SCML4: variants seen among roughly 807,000 people sequenced by gnomAD.
SCML4 encodes the protein Scm polycomb group protein like 4.
A neutral mutation model predicts 41.1 loss-of-function variants in SCML4; 34 were observed. The ratio of observed to expected loss-of-function variants is 0.83; its 90% CI spans 0.63 to 1.10. The LOEUF (loss-of-function observed/expected upper bound fraction) is 1.10, where lower values mean the gene tolerates loss of function less well. SCML4 is among the 50% of genes least tolerant of loss of function. The probability of loss-of-function intolerance (pLI) is 0.00; values close to 1 mark genes in which losing one functional copy is unlikely to be tolerated. For synonymous variants in SCML4, 214 were observed against 220.9 expected (o/e 0.97, Z 0.28); for missense variants, 522 against 534.1 (o/e 0.98, Z 0.22).
intron 2 of SCML4, among the ~76,000 whole-genome samples, chr6:107,755,281 T>C (rs1357795574): frequency 3.3e-5 from 5 of 152,188 alleles, no homozygotes; most frequent in African/African-American, 9.7e-5. Flanking sequence ...CTAAAACAAC[T>C]GCTAGAACTT....
At chr6:107,719,018 GGACAAACCTAT>G (rs1775103515) in intron 6 of SCML4, 1 of 152,156 alleles carries the variant, frequency 6.6e-6, no homozygotes, top group Non-Finnish European at 1.5e-5. Flanking sequence ...CTAACACTGG[GGACAAACCTAT>G]GAAATCAAGG....
chr6:107,801,822 A>G (rs947481700), intron 1 of SCML4, among the ~76,000 whole-genome samples: 3 of 151,428 alleles, frequency 2.0e-5, no homozygotes, highest in African/African-American at 7.3e-5. Context: ...TCTGTCACCC[A>G]CGCTGGATCT....
chr6:107,736,990 C>G (rs1777137774), intron 5 of SCML4, among the ~76,000 whole-genome samples: 1 of 152,276 alleles, frequency 6.6e-6, no homozygotes, highest in Admixed American at 6.5e-5. Flanking sequence ...AAACCAGCAA[C>G]TAAATTAGAT....
Position 107,746,761 on chromosome 6 carries a change from T to C in SCML4, c.415A>G (p.Ile139Val), listed in dbSNP as rs1427790832. The C allele has an allele frequency of 6.2e-7, 1 of 1,614,088 alleles. No individual in the cohort carries two copies. The highest frequency in any genetic ancestry group is 8.5e-7 in the Non-Finnish European group (1 of 1,180,026). The change falls in exon 4 of 8, where the codon ATC (isoleucine) becomes GTC (valine). Residue 139 changes from isoleucine to valine, a missense_variant. By Grantham distance (29) the Ile-to-Val change is conservative. Coordinates refer to ENST00000369020, the MANE Select transcript of SCML4 (RefSeq NM_198081.5). Reference protein sequence around the residue: ...AVLQQAVQACIDCAHQQKLVF... With the variant: ...AVLQQAVQACVDCAHQQKLVF... ...AGCTTCTGCTGGTGGGCGCAGTCGATGCAGGCTTGGACGGCCTGCTGCAGC... is the reference window on the plus strand; with the variant it reads ...AGCTTCTGCTGGTGGGCGCAGTCGACGCAGGCTTGGACGGCCTGCTGCAGC...
intron 1 of SCML4, among the ~76,000 whole-genome samples, chr6:107,807,886 C>T (rs185412326): frequency 2.1e-3 from 320 of 152,260 alleles, no homozygotes; most frequent in Non-Finnish European, 2.4e-3. Context: ...AGGTTGTTGC[C>T]ACTGCTTTTA....
At chr6:107,833,033 T>C in the SCML4 span, among the ~76,000 whole-genome samples, 1 of 152,182 alleles carries the variant, frequency 6.6e-6, no homozygotes, top group Non-Finnish European at 1.5e-5. Flanking sequence ...GAGGCCACTA[T>C]GCGGGGAGGA....
intron 6 of SCML4, among the ~76,000 whole-genome samples, chr6:107,708,486 T>C (rs2818254): frequency 0.76 from 114,919 of 151,822 alleles, 43,683 homozygotes; most frequent in Admixed American, 0.81. Context: ...GGCCTTCACA[T>C]TGAGAGGATA....
chr6:107,774,936 A>T (rs940252230), intron 1 of SCML4, among the ~76,000 whole-genome samples: 1 of 151,952 alleles, frequency 6.6e-6, no homozygotes, highest in Non-Finnish European at 1.5e-5. Flanking sequence ...GGCAGGTTGC[A>T]GTGAGCTAAG....
At chr6:107,760,693 C>T (rs992185569) in intron 2 of SCML4, among the ~76,000 whole-genome samples, 2 of 152,108 alleles carry the variant, frequency 1.3e-5, no homozygotes, top group African/African-American at 4.8e-5. Context: ...TGATGAATAA[C>T]AGTCCAAAAT....
chr6:107,725,832 A>C (rs60794090), intron 5 of SCML4, among the ~76,000 whole-genome samples: 20,425 of 152,188 alleles, frequency 0.13, 1,582 homozygotes, highest in East Asian at 0.21. Flanking sequence ...CTGTAATCCC[A>C]GCACTCTGGG....
chr6:107,799,472 T>C (rs1202616277), intron 1 of SCML4, among the ~76,000 whole-genome samples: 2 of 152,200 alleles, frequency 1.3e-5, no homozygotes, highest in African/African-American at 4.8e-5. Flanking sequence ...CTGTCTCTTG[T>C]AGCCAACATA....
rs574873766 is a variant in SCML4 at position 107,703,284 on chromosome 6, C to G, written c.*1916G>C. On this transcript the variant is annotated 3_prime_UTR_variant, in exon 8 of 8. Coordinates refer to ENST00000369020, the MANE Select transcript of SCML4 (RefSeq NM_198081.5). ...CCCTGAATTCTTTCTTGCATGAGAT[C>G]CAAGAGCCCTCTCTTGGGGTCTGGA... 5.3e-5 allele frequency among the ~76,000 whole-genome samples: 8 copies of G among 152,244 alleles called. No homozygotes were observed. The South Asian group carries it at 1.5e-3, about 28-fold the overall frequency.
rs777168006 is a variant in SCML4 at position 107,705,154 on chromosome 6, C to T, written c.*46G>A. The T allele has an allele frequency of 3.3e-6, 5 of 1,526,166 alleles. No individual in the cohort carries two copies. The highest frequency in any genetic ancestry group is 2.4e-5 in the South Asian group (2 of 83,506). 94.5% of individuals were successfully genotyped at this position (1,526,166 alleles called of 1,614,324 possible). On this transcript the variant is annotated 3_prime_UTR_variant, in exon 8 of 8. Transcript: ENST00000369020. ...GGATATTGGTAAGGCAGAAGATAATCTTGGGATCTGTTGTTTTGGGTTTCG... is the reference window on the plus strand; with the variant it reads ...GGATATTGGTAAGGCAGAAGATAATTTTGGGATCTGTTGTTTTGGGTTTCG...
In SCML4 at chr6:107,771,277, T is replaced by C. The variant is rs186074038; in HGVS notation, c.156+895A>G. 1.1e-4 allele frequency among the ~76,000 whole-genome samples: 17 copies of C among 152,332 alleles called. No homozygotes were observed. The East Asian group carries it at 3.1e-3, about 28-fold the overall frequency. ...ATTTCCATATATTTTCCTAAATATA[T>C]GGGAGTTAATTGCCAATTTGCATTC... On this transcript the variant is annotated intron_variant, in intron 2 of 7. Coordinates refer to ENST00000369020, the MANE Select transcript of SCML4 (RefSeq NM_198081.5).
At chr6:107,797,483 A>G (rs2114626200) in intron 1 of SCML4, among the ~76,000 whole-genome samples, 1 of 152,186 alleles carries the variant, frequency 6.6e-6, no homozygotes, top group East Asian at 1.9e-4. Flanking sequence ...TTTGTATACG[A>G]CTAGTAAACT....
At chr6:107,720,190 G>T in intron 6 of SCML4, 1 of 844,116 alleles carries the variant, frequency 1.2e-6, no homozygotes, top group Non-Finnish European at 1.4e-6. Flanking sequence ...AGTCCCTTAT[G>T]GTTAAGTGTG....
chr6:107,753,749 T>C lies in SCML4; in HGVS notation c.157-3936A>G, dbSNP rs566385041. On this transcript the variant is annotated intron_variant, in intron 2 of 7. Transcript: ENST00000369020. ...AAATAATCCAGTAGAGAGAGAAAAA[T>C]TGATTGTACAGAAGAGTGTGTGGAG... Among the ~76,000 whole-genome samples, 4 of 152,076 alleles carry C rather than the reference T, an allele frequency of 2.6e-5. No individual in the cohort carries two copies. The South Asian group carries it at 8.3e-4, about 32-fold the overall frequency.
chr6:107,826,845 C>T (rs1449022800), upstream of SCML4, among the ~76,000 whole-genome samples: 1 of 152,210 alleles, frequency 6.6e-6, no homozygotes, highest in South Asian at 2.1e-4. Flanking sequence ...GGGCAGATCA[C>T]AAGGTCAGGA....
At chr6:107,833,284 C>T in the SCML4 span, among the ~76,000 whole-genome samples, 1 of 152,106 alleles carries the variant, frequency 6.6e-6, no homozygotes, top group Admixed American at 6.5e-5. Flanking sequence ...CTACTCAGAC[C>T]ACCTTATCTG....
Sources: gnomAD v4.1 joint callset for allele counts (sites outside exome capture counted in the v4.1 genomes callset) on GRCh38, gnomAD v4.1.1 for gene constraint, MANE v1.5 for transcripts, NCBI Gene and HGNC (gene_info 2026-07-23, HGNC 2026-07-21) for gene names.